The following SLC26A5 variants were observed in gnomAD, a reference collection of about 807,000 sequenced individuals.
SLC26A5 encodes solute carrier family 26 member 5, also known as prestin.
A neutral mutation model predicts 81.0 loss-of-function variants in SLC26A5; 51 were observed. That is an observed-to-expected ratio of 0.63 (90% CI 0.50 to 0.80). The LOEUF is 0.80. SLC26A5 is among the 30% of genes least tolerant of loss of function. SLC26A5 has a pLI of 0.00. For synonymous variants in SLC26A5, 325 were observed against 332.8 expected (o/e 0.98, Z 0.25); for missense variants, 771 against 905.8 (o/e 0.85, Z 1.91).
At chr7:103,407,724 CA>C (rs1824166844) in intron 8 of SLC26A5, 126 bp downstream of exon 8, 3 of 1,073,388 alleles carry the variant, frequency 2.8e-6, no homozygotes, top group Non-Finnish European at 4.0e-6. Flanking sequence ...TCAAATTTGA[CA>C]AATTGTAACC....
downstream of SLC26A5, among the ~76,000 whole-genome samples, chr7:103,369,724 C>T (rs1286268697): frequency 2.7e-5 from 4 of 150,360 alleles, no homozygotes; most frequent in Non-Finnish European, 5.9e-5. Flanking sequence ...TGTGTAGATG[C>T]ACATATATAT....
chr7:103,390,644 A>G (rs748196081), intron 11 of SLC26A5, 138 bp from the exon 12 acceptor site: 37 of 754,830 alleles, frequency 4.9e-5, no homozygotes, highest in Non-Finnish European at 7.7e-5. Context: ...CTAAACCACT[A>G]CATAACCTAT....
At chr7:103,437,786 G>A (rs1320703449) in intron 2 of SLC26A5, among the ~76,000 whole-genome samples, 2 of 152,162 alleles carry the variant, frequency 1.3e-5, no homozygotes, top group Non-Finnish European at 2.9e-5. Context: ...ATGGGTGGGA[G>A]GGAAGGAATG....
downstream of SLC26A5, among the ~76,000 whole-genome samples, chr7:103,372,695 G>T (rs986881664): frequency 6.6e-6 from 1 of 152,068 alleles, no homozygotes; most frequent in Non-Finnish European, 1.5e-5. Context: ...TATATGTGGG[G>T]GTTAGTTTTC....
chr7:103,377,675 T>C lies in SLC26A5; in HGVS notation c.1910A>G (p.Asp637Gly), dbSNP rs1563512375. The C allele has an allele frequency of 1.2e-6, 2 of 1,614,144 alleles. No homozygotes were observed. Among genetic ancestry groups the C allele is most frequent in the East Asian group, 2.2e-5 (1 of 44,860 alleles). Residue 637 changes from aspartate to glycine, a missense_variant, in exon 18 of 20, where the codon GAT (aspartate) becomes GGT (glycine). Physicochemically the swap from Asp to Gly is moderately conservative, Grantham distance 94. Transcript: ENST00000306312. Reference sequence around the variant, plus strand: ...ATCCAAAATGACAGTGTGGACGTTATCCCCTGGGGGCATAAATCTTTGCAT... The same window carrying C: ...ATCCAAAATGACAGTGTGGACGTTACCCCCTGGGGGCATAAATCTTTGCAT... ...EEMQRFMPPG[D>G]NVHTVILDFT... is the part of the protein sequence containing the mutation.
chr7:103,361,829 A>C (rs1820432177), intron 19 of SLC26A5: 1 of 870,622 alleles, frequency 1.1e-6, no homozygotes, highest in South Asian at 2.7e-5. Flanking sequence ...AGGATCTTTA[A>C]CAGTGTCCCA....
chr7:103,407,001 C>T (rs564801588), intron 8 of SLC26A5, among the ~76,000 whole-genome samples: 4 of 152,290 alleles, frequency 2.6e-5, no homozygotes, highest in South Asian at 4.2e-4. Context: ...TGCAAACAAG[C>T]CCCAGGGTGC....
chr7:103,380,461 TGATA>T lies in SLC26A5; in HGVS notation c.1584+15_1584+18del. On this transcript the variant is annotated intron_variant, in intron 15 of 19. Coordinates refer to ENST00000306312, the MANE Select transcript of SLC26A5 (RefSeq NM_198999.3). ...ATCACATGCTTACAACCTTTTTAAGTGATAGAAAAAGGTCCTACCTCCTCATATG... is the reference window on the plus strand; with the variant it reads ...ATCACATGCTTACAACCTTTTTAAGTGAAAAAGGTCCTACCTCCTCATATG... The T allele has an allele frequency of 6.2e-7, 1 of 1,604,582 alleles. No homozygotes were observed. Among genetic ancestry groups the T allele is most frequent in the Non-Finnish European group, 8.5e-7 (1 of 1,171,374 alleles).
At chr7:103,428,390 T>C (rs1825842208) in intron 2 of SLC26A5, among the ~76,000 whole-genome samples, 1 of 152,108 alleles carries the variant, frequency 6.6e-6, no homozygotes, top group Non-Finnish European at 1.5e-5. Flanking sequence ...TTAAACCACT[T>C]TATTGAGATA....
chr7:103,374,196 C>T (rs367847315), downstream of SLC26A5: 1 of 1,368,134 alleles, frequency 7.3e-7, no homozygotes, highest in Non-Finnish European at 9.4e-7. Flanking sequence ...TAAATGCAGG[C>T]AACAGGCCAA....
rs73712347 is a variant in SLC26A5 at position 103,425,756 on chromosome 7, C to A, written c.-53-4189G>T. 6.7e-3 allele frequency among the ~76,000 whole-genome samples: 1,026 copies of A among 152,072 alleles called. 12 individuals are homozygous for A. Among genetic ancestry groups the A allele is most frequent in the African/African-American group, 0.023 (959 of 41,518 alleles). On this transcript the variant is annotated intron_variant, in intron 2 of 19. Transcript: ENST00000306312. Reference sequence around the variant, plus strand: ...AATTTAGTAGTTAAAAGAGCTTTTTCAAATTTGCCATTTTCATTTAGGGCA... The same window carrying A: ...AATTTAGTAGTTAAAAGAGCTTTTTAAAATTTGCCATTTTCATTTAGGGCA...
chr7:103,427,851 C>CTTTT (rs60928156), intron 2 of SLC26A5, among the ~76,000 whole-genome samples: 5 of 143,978 alleles, frequency 3.5e-5, no homozygotes, highest in East Asian at 2.0e-4. Context: ...TCTAGAGATT[C>CTTTT]TTTTTTTTTT....
chr7:103,365,589 A>G (rs111905111), intron 19 of SLC26A5, among the ~76,000 whole-genome samples: 27 of 152,314 alleles, frequency 1.8e-4, no homozygotes, highest in East Asian at 1.3e-3. Context: ...AGATCGTGCC[A>G]TTGCACACCA....
chr7:103,377,802 G>A lies in SLC26A5; in HGVS notation c.1786-3C>T, dbSNP rs1217941174. The A allele has an allele frequency of 5.0e-6, 8 of 1,613,298 alleles. No homozygotes were observed. In the Admixed American group the frequency reaches 1.3e-4, roughly 27 times the overall value. The stretch of plus-strand genomic sequence containing the variant: ...TCCTCTCCATCTACTTCTGCATCCT[G>A]TGTCAAAAATTAAACCAAACCAGAA... On this transcript the variant is annotated splice_polypyrimidine_tract_variant and splice_region_variant and intron_variant, in intron 17 of 19. Coordinates refer to ENST00000306312, the MANE Select transcript of SLC26A5 (RefSeq NM_198999.3).
At chr7:103,430,995 A>G (rs1826041140) in intron 2 of SLC26A5, among the ~76,000 whole-genome samples, 1 of 152,216 alleles carries the variant, frequency 6.6e-6, no homozygotes, top group South Asian at 2.1e-4. Context: ...CTAAATTAAT[A>G]AATAGCAAGA....
intron 2 of SLC26A5, among the ~76,000 whole-genome samples, chr7:103,426,364 G>A (rs1484498020): frequency 1.3e-5 from 2 of 152,190 alleles, no homozygotes; most frequent in Admixed American, 1.3e-4. Context: ...GGTTGCCAGA[G>A]AAAATATAGA....
Position 103,355,681 on chromosome 7 carries a change from T to G in SLC26A5, c.2042-2755A>C, listed in dbSNP as rs762280906. The G allele has an allele frequency of 5.0e-6, 8 of 1,601,538 alleles. No individual in the cohort carries two copies. The Admixed American group carries it at 6.7e-5, about 13-fold the overall frequency. Reference sequence around the variant, plus strand: ...TTACATTTTAGTAAATTTTGTCATCTTTCTCTATGTAGGTATTAAAGAATC... The same window carrying G: ...TTACATTTTAGTAAATTTTGTCATCGTTCTCTATGTAGGTATTAAAGAATC... On this transcript the variant is annotated intron_variant, in intron 19 of 19. Transcript: ENST00000339444.
At chr7:103,353,931 G>T in intron 19 of SLC26A5, 1 of 1,603,608 alleles carries the variant, frequency 6.2e-7, no homozygotes, top group Non-Finnish European at 8.5e-7. Context: ...CTCTGGATGA[G>T]GGGGATATTG....
intron 19 of SLC26A5, chr7:103,362,214 G>A (rs559624433): frequency 1.3e-6 from 2 of 1,487,436 alleles, no homozygotes; most frequent in East Asian, 2.5e-5. Context: ...ATCTAGTAAT[G>A]TACTATAGTT....
Sources: gnomAD v4.1 joint callset for allele counts (sites outside exome capture counted in the v4.1 genomes callset) on GRCh38, gnomAD v4.1.1 for gene constraint, MANE v1.5 for transcripts, NCBI Gene and HGNC (gene_info 2026-07-23, HGNC 2026-07-21) for gene names.